Variants in DENND2C observed in about 807,000 individuals in gnomAD.
DENND2C encodes DENN domain-containing protein 2C.
DENND2C carries 72 observed loss-of-function variants against 112.4 expected under a neutral mutation model. The ratio of observed to expected loss-of-function variants is 0.64; its 90% CI spans 0.53 to 0.78. The LOEUF is 0.78. Among genes scored for constraint, DENND2C ranks in the 30% least tolerant of loss-of-function variants. The probability of loss-of-function intolerance (pLI) is 0.00; values close to 1 mark genes in which losing one functional copy is unlikely to be tolerated. For synonymous variants in DENND2C, 329 were observed against 381.6 expected (o/e 0.86, Z 1.61); for missense variants, 992 against 1,113.8 (o/e 0.89, Z 1.56).
chr1:114,624,624 CTTT>C (rs67241623), intron 4 of DENND2C, among the ~76,000 whole-genome samples: 14 of 126,952 alleles, frequency 1.1e-4, no homozygotes, highest in Admixed American at 1.6e-4. Context: ...TTCTTTTTTT[CTTT>C]TTTTTTTTTT....
intron 3 of DENND2C, among the ~76,000 whole-genome samples, chr1:114,643,773 T>C (rs577467775): frequency 2.0e-5 from 3 of 152,200 alleles, no homozygotes; most frequent in Admixed American, 6.5e-5. Context: ...AACAGTTCCA[T>C]CAAGTCTGTT....
rs1018675105 is a variant in DENND2C, at chr1:114,583,042, T to C, written c.*2558A>G. ...AAGCAAAGGTCTCCTCCTAGAGGGA[T>C]AGCCAGGATCCATCACAGTAAACCC... On this transcript the variant is annotated 3_prime_UTR_variant, in exon 21 of 21. Coordinates refer to ENST00000393274, the MANE Select transcript of DENND2C (RefSeq NM_001256404.2). 6 of 152,248 alleles carry C rather than the reference T, an allele frequency of 3.9e-5. No homozygotes were observed. The highest frequency in any genetic ancestry group is 6.5e-5 in the Admixed American group (1 of 15,276). The allele number at this position is 152,248 out of a possible 1,614,324, so 9.4% of individuals were successfully genotyped here.
chr1:114,656,401 C>CTT (rs776761733), intron 1 of DENND2C, among the ~76,000 whole-genome samples: 12,600 of 138,520 alleles, frequency 0.091, 629 homozygotes, highest in Middle Eastern at 0.11. Flanking sequence ...TTCTTTCTTT[C>CTT]TTTTTTTTTT....
At chr1:114,635,094 A>G (rs373779364) in intron 3 of DENND2C, among the ~76,000 whole-genome samples, 21 of 151,978 alleles carry the variant, frequency 1.4e-4, no homozygotes, top group African/African-American at 5.1e-4. Flanking sequence ...AAAGTTTCAA[A>G]TTACTATTTT....
chr1:114,652,728 T>G (rs903615431), intron 2 of DENND2C, among the ~76,000 whole-genome samples: 1 of 146,200 alleles, frequency 6.8e-6, no homozygotes, highest in Non-Finnish European at 1.5e-5. Context: ...TGAAGTGTAG[T>G]GGCTATTCAC....
chr1:114,599,145 T>G, intron 16 of DENND2C, 129 bp downstream of exon 16: 1 of 627,448 alleles, frequency 1.6e-6, no homozygotes, highest in Non-Finnish European at 2.4e-6. Flanking sequence ...AATATTATAA[T>G]AATTTAATAG....
chr1:114,608,664 C>T, intron 10 of DENND2C, 22 bp downstream of exon 10: 1 of 1,610,676 alleles, frequency 6.2e-7, no homozygotes, highest in African/African-American at 1.3e-5. Flanking sequence ...TCCTGAATGC[C>T]TCTTGGCCTC....
At chr1:114,603,435 A>G (rs939167314) in intron 11 of DENND2C, among the ~76,000 whole-genome samples, 3 of 144,686 alleles carry the variant, frequency 2.1e-5, no homozygotes, top group Non-Finnish European at 3.1e-5. Flanking sequence ...GCCAAGTCCA[A>G]TTTTTTTTTT....
intron 18 of DENND2C, among the ~76,000 whole-genome samples, chr1:114,592,476 G>C (rs1192817754): frequency 1.3e-5 from 2 of 152,122 alleles, no homozygotes; most frequent in African/African-American, 4.8e-5. Context: ...CCACGGCTTT[G>C]AGAGGCTGAG....
intron 6 of DENND2C, among the ~76,000 whole-genome samples, chr1:114,622,754 G>A (rs1656199612): frequency 6.7e-6 from 1 of 148,572 alleles, no homozygotes; most frequent in African/African-American, 2.5e-5. Flanking sequence ...GTTCATGGCT[G>A]TCTAAAGGCA....
At chr1:114,612,714 T>C (rs1655856437) in intron 8 of DENND2C, among the ~76,000 whole-genome samples, 3 of 152,128 alleles carry the variant, frequency 2.0e-5, no homozygotes, top group African/African-American at 7.2e-5. Flanking sequence ...GAGACAGGGT[T>C]TCACCGTGTT....
chr1:114,586,888 T>A (rs1217366896), intron 20 of DENND2C: 1 of 156,018 alleles, frequency 6.4e-6, no homozygotes, highest in Non-Finnish European at 1.4e-5. Flanking sequence ...TGTGCCAGCA[T>A]GCCTAGCTAA....
At chr1:114,588,506 C>A (rs1044077017) in intron 18 of DENND2C, 12 of 152,824 alleles carry the variant, frequency 7.9e-5, no homozygotes, top group Non-Finnish European at 1.5e-4. Context: ...TATGATAATA[C>A]TGTAATTCCA....
At position 114,601,531 on chromosome 1, in the gene DENND2C, C is replaced by T; in HGVS notation, c.1792G>A (p.Gly598Ser). Residue 598 changes from glycine to serine, a missense_variant, in exon 13 of 21, where the codon GGC (glycine) becomes AGC (serine). Gly to Ser is a moderately conservative substitution (Grantham distance 56). Coordinates refer to ENST00000393274, the MANE Select transcript of DENND2C (RefSeq NM_001256404.2). Reference sequence around the variant, plus strand: ...ACCTTTGAAAAAAGATTGAAGCAGCCTAGGCGACTAACCATGCAGTATACC... The same window carrying T: ...ACCTTTGAAAAAAGATTGAAGCAGCTTAGGCGACTAACCATGCAGTATACC... ...PEVYCMVSRLGCFNLFSKILD... is the reference protein window; with the variant it reads ...PEVYCMVSRLSCFNLFSKILD... 10 of 1,612,972 alleles carry T rather than the reference C, an allele frequency of 6.2e-6. No individual in the cohort carries two copies.
chr1:114,662,496 ACTG>A (rs1353835856), intron 1 of DENND2C, among the ~76,000 whole-genome samples: 7 of 152,224 alleles, frequency 4.6e-5, no homozygotes, highest in African/African-American at 7.2e-5. Context: ...AATATTTATC[ACTG>A]CTATGAAAAC....
chr1:114,597,477 A>G (rs1044811824), intron 16 of DENND2C, among the ~76,000 whole-genome samples: 4 of 149,764 alleles, frequency 2.7e-5, no homozygotes, highest in Non-Finnish European at 4.4e-5. Context: ...AAAAAAAGGC[A>G]TCTTGAACAA....
rs1655288663 is a variant in DENND2C, at chr1:114,594,555, T to C, written c.2349A>G (p.Leu783=). 1 of 1,613,752 alleles carries C rather than the reference T, an allele frequency of 6.2e-7. No individual in the cohort carries two copies. The highest frequency in any genetic ancestry group is 1.3e-5 in the African/African-American group (1 of 75,026). Residue 783 remains leucine (L), a synonymous_variant, in exon 18 of 21, where the codon CTA becomes CTG. Transcript: ENST00000393274. ...LQEVSDEDEI[L]PPKLQAALMQ... is the part of the protein sequence containing the mutation. ...TCAGGGCAGCTTGAAGTTTTGGTGG[T>C]AGAATTTCATCCTCATCAGATACCT... is the stretch of plus-strand genomic sequence containing the variant.
chr1:114,597,836 A>T (rs142704237), intron 16 of DENND2C, among the ~76,000 whole-genome samples: 68 of 152,282 alleles, frequency 4.5e-4, no homozygotes, highest in African/African-American at 1.5e-3. Context: ...AGAGACAAAG[A>T]TTTTTATAAA....
chr1:114,668,260 C>T (rs2101704708), intron 1 of DENND2C, among the ~76,000 whole-genome samples: 1 of 152,248 alleles, frequency 6.6e-6, no homozygotes, highest in East Asian at 1.9e-4. Flanking sequence ...CCATCCTCCA[C>T]TGAATTGCTG....
Sources: gnomAD v4.1 joint callset for allele counts (sites outside exome capture counted in the v4.1 genomes callset) on GRCh38, gnomAD v4.1.1 for gene constraint, MANE v1.5 for transcripts, NCBI Gene and HGNC (gene_info 2026-07-23, HGNC 2026-07-21) for gene names.